The following TM9SF3 variants were observed in gnomAD, a reference collection of about 807,000 sequenced individuals.
The protein encoded by TM9SF3 is transmembrane 9 superfamily member 3.
TM9SF3 carries 14 observed loss-of-function variants against 78.6 expected under a neutral mutation model. That is an observed-to-expected ratio of 0.18 (90% confidence interval 0.12 to 0.28). The LOEUF is 0.28. Ranked by LOEUF, TM9SF3 falls within the 10% of genes least tolerant of loss-of-function variation. TM9SF3 has a pLI of 1.00. For synonymous variants in TM9SF3, 231 were observed against 241.7 expected (o/e 0.96, Z 0.41); for missense variants, 496 against 721.9 (o/e 0.69, Z 3.59).
intron 2 of TM9SF3, among the ~76,000 whole-genome samples, chr10:96,567,177 C>T (rs1028523353): frequency 4.1e-5 from 6 of 146,334 alleles, no homozygotes; most frequent in African/African-American, 1.5e-4. Flanking sequence ...TTCCACCTCC[C>T]AGGTTCAAGC....
intron 9 of TM9SF3, among the ~76,000 whole-genome samples, chr10:96,543,198 G>A (rs1848054611): frequency 6.6e-6 from 1 of 152,174 alleles, no homozygotes; most frequent in Admixed American, 6.5e-5. Context: ...TTGGGAGACC[G>A]TGGGTTAACT....
chr10:96,525,206 T>C lies in TM9SF3; in HGVS notation c.1702+2007A>G, dbSNP rs1169757598. ...TAAAGAGGAGTCCAGTGAACAATAC[T>C]CTGAAGAAAGGATGGCAAATAATAA... On this transcript the variant is annotated intron_variant, in intron 14 of 14. Coordinates refer to ENST00000371142, the MANE Select transcript of TM9SF3 (RefSeq NM_020123.4). 2.0e-5 allele frequency among the ~76,000 whole-genome samples: 3 copies of C among 151,960 alleles called. No individual in the cohort carries two copies. In the South Asian group the frequency reaches 6.2e-4, roughly 31 times the overall value.
chr10:96,540,684 T>C (rs1296814169), intron 9 of TM9SF3, among the ~76,000 whole-genome samples: 3 of 151,670 alleles, frequency 2.0e-5, no homozygotes, highest in African/African-American at 4.8e-5. Flanking sequence ...GATATCTTTA[T>C]AAAATCCTTT....
chr10:96,562,262 C>A, intron 3 of TM9SF3, 124 bp from the exon 4 acceptor site: 1 of 712,088 alleles, frequency 1.4e-6, no homozygotes, highest in Non-Finnish European at 2.2e-6. Flanking sequence ...CCCTCCCTGG[C>A]CACTCTTGAC....
chr10:96,547,607 G>A (rs868241345), intron 8 of TM9SF3, among the ~76,000 whole-genome samples: 1 of 2,420 alleles, frequency 4.1e-4, no homozygotes, highest in South Asian at 0.5. Context: ...AATCACTTGA[G>A]GTCAGGAGTT....
chr10:96,570,458 CAAAA>C (rs1848426662), intron 2 of TM9SF3, among the ~76,000 whole-genome samples: 1 of 151,862 alleles, frequency 6.6e-6, no homozygotes, highest in South Asian at 2.1e-4. Flanking sequence ...CTTTAAAAAA[CAAAA>C]AAGAGATGCC....
intron 1 of TM9SF3, among the ~76,000 whole-genome samples, chr10:96,585,197 C>T (rs1848615357): frequency 6.6e-6 from 1 of 152,086 alleles, no homozygotes; most frequent in South Asian, 2.1e-4. Context: ...CACGGAACTA[C>T]ACATTGAGAG....
At chr10:96,560,767 C>G (rs1848297536) in intron 4 of TM9SF3, 1 of 566,804 alleles carries the variant, frequency 1.8e-6, no homozygotes, top group African/African-American at 1.9e-5. Flanking sequence ...GCACAAAAGT[C>G]AAATCAGAAT....
chr10:96,540,381 TCA>T (rs1848008166), intron 9 of TM9SF3, among the ~76,000 whole-genome samples: 1 of 152,218 alleles, frequency 6.6e-6, no homozygotes, highest in South Asian at 2.1e-4. Context: ...ACCTCTGCTC[TCA>T]CACAGTTATT....
Position 96,586,781 on chromosome 10 carries a change from G to A in TM9SF3, c.55C>T (p.Leu19=), listed in dbSNP as rs1007026051. The A allele has an allele frequency of 3.9e-6, 5 of 1,288,442 alleles. No homozygotes were observed. The Admixed American group carries it at 9.9e-5, about 26-fold the overall frequency. 79.8% of individuals were successfully genotyped at this position (1,288,442 alleles called of 1,614,324 possible). A position where few individuals can be genotyped will look rare whatever the true frequency, so the allele number is the denominator to read the frequency against. Residue 19 remains leucine, a synonymous_variant, in exon 1 of 15, where the codon CTG becomes TTG. Coordinates refer to ENST00000371142, the MANE Select transcript of TM9SF3 (RefSeq NM_020123.4). ...CGGGTCCGGGGCAGCAGCAGCAGCA[G>A]CAGCCACAGCGCGGCGGCCGCCGCC... ...GVAAAAALWL[L]LLLLPRTRAD...
chr10:96,571,105 T>C (rs1485072033), intron 2 of TM9SF3, among the ~76,000 whole-genome samples: 1 of 152,058 alleles, frequency 6.6e-6, no homozygotes, highest in Non-Finnish European at 1.5e-5. Context: ...AAACTACTAA[T>C]AAAGCAGGAG....
intron 10 of TM9SF3, among the ~76,000 whole-genome samples, chr10:96,531,581 A>ATGTAGTC (rs1300017951): frequency 6.6e-6 from 1 of 152,240 alleles, no homozygotes; most frequent in African/African-American, 2.4e-5. Context: ...AAATCATTTA[A>ATGTAGTC]TGTAGTCTTC....
At chr10:96,527,847 C>T (rs1414909295) in intron 12 of TM9SF3, among the ~76,000 whole-genome samples, 184 bp downstream of exon 12, 1 of 152,062 alleles carries the variant, frequency 6.6e-6, no homozygotes, top group Non-Finnish European at 1.5e-5. Flanking sequence ...TCCATTAATA[C>T]ATTAAAAATT....
intron 5 of TM9SF3, among the ~76,000 whole-genome samples, 185 bp downstream of exon 5, chr10:96,559,474 T>C (rs1848276161): frequency 6.6e-6 from 1 of 152,168 alleles, no homozygotes; most frequent in Non-Finnish European, 1.5e-5. Context: ...AAGAAGGAAG[T>C]TTTTGATTGC....
In TM9SF3 at chr10:96,521,577, C is replaced by T. The variant is rs1305378317; in HGVS notation, c.*686G>A. ...GTACACTTCTGTCTTCAAACTGTAT[C>T]TTCTTTGGATGGAATTAAGATGTAA... is the stretch of plus-strand genomic sequence containing the variant. On this transcript the variant is annotated 3_prime_UTR_variant, in exon 15 of 15. Coordinates refer to ENST00000371142, the MANE Select transcript of TM9SF3 (RefSeq NM_020123.4). 1 of 152,270 alleles carries T rather than the reference C, an allele frequency of 6.6e-6. No homozygotes were observed. The allele number at this position is 152,270 out of a possible 1,614,324, so 9.4% of individuals were successfully genotyped here.
chr10:96,550,955 T>G (rs997224031), intron 7 of TM9SF3, among the ~76,000 whole-genome samples: 14 of 152,224 alleles, frequency 9.2e-5, no homozygotes, highest in Admixed American at 1.3e-4. Flanking sequence ...CTATTTACTT[T>G]GTCAAACAGC....
At position 96,557,971 on chromosome 10, in the gene TM9SF3, G is replaced by A. The variant is rs527907813; in HGVS notation, c.660+1688C>T. ...AAGTTCCTAGAGGGTATAGATCTTT[G>A]CCTTTATTTTCTAATGTATCCTACT... On this transcript the variant is annotated intron_variant, in intron 5 of 14. Transcript: ENST00000371142. 5.3e-5 allele frequency among the ~76,000 whole-genome samples: 8 copies of A among 152,252 alleles called. No homozygotes were observed. The South Asian group carries it at 1.7e-3, about 32-fold the overall frequency.
chr10:96,530,692 C>A, intron 10 of TM9SF3, 84 bp from the exon 11 acceptor site: 1 of 1,260,166 alleles, frequency 7.9e-7, no homozygotes, highest in Non-Finnish European at 1.1e-6. Context: ...AGGTACTTGA[C>A]ACTTAAAAAA....
intron 1 of TM9SF3, among the ~76,000 whole-genome samples, chr10:96,582,288 A>G (rs1402293160): frequency 6.6e-6 from 1 of 152,226 alleles, no homozygotes; most frequent in Non-Finnish European, 1.5e-5. Context: ...GGTAGAAAAG[A>G]CAAGACTGGC....
Sources: allele counts gnomAD v4.1 joint callset (sites outside exome capture counted in the v4.1 genomes callset), GRCh38; gene constraint gnomAD v4.1.1; transcripts MANE v1.5; gene names NCBI Gene and HGNC (gene_info 2026-07-23, HGNC 2026-07-21).